The following CRISP2 variants were observed in gnomAD, a reference collection of about 807,000 sequenced individuals.
CRISP2 encodes cysteine rich secretory protein 2.
A neutral mutation model predicts 31.7 loss-of-function variants in CRISP2; 29 were observed. The ratio of observed to expected loss-of-function variants is 0.92; its 90% CI spans 0.68 to 1.25. The LOEUF is 1.25. Ranked by LOEUF, CRISP2 falls within the 50% of genes most tolerant of loss-of-function variation. The pLI is 0.00. For missense variants in CRISP2, 318 were observed against 286.5 expected (o/e 1.11, Z -0.79); for synonymous variants, 111 against 101.4 (o/e 1.09, Z -0.57).
intron 9 of CRISP2, among the ~76,000 whole-genome samples, chr6:49,693,225 A>G (rs1305658708): frequency 6.6e-6 from 1 of 152,170 alleles, no homozygotes; most frequent in African/African-American, 2.4e-5. Context: ...CAAGCAGAAT[A>G]ATATGAATGT....
chr6:49,679,670 T>C, the CRISP2 span, among the ~76,000 whole-genome samples: 1 of 143,916 alleles, frequency 6.9e-6, no homozygotes, highest in African/African-American at 2.7e-5. Context: ...CTTACCCCAG[T>C]TTCTGATTCA....
At chr6:49,698,595 A>C (rs1765158946) in intron 6 of CRISP2, 88 bp from the exon 7 acceptor site, 1 of 1,379,338 alleles carries the variant, frequency 7.2e-7, no homozygotes, top group Admixed American at 2.3e-5. Context: ...TTGCCTTTCA[A>C]ACCCAGGGTC....
intron 4 of CRISP2, among the ~76,000 whole-genome samples, chr6:49,704,734 G>A (rs1766715784): frequency 1.3e-5 from 2 of 152,202 alleles, no homozygotes; most frequent in South Asian, 4.1e-4. Context: ...ACTGGCACCT[G>A]TTCCAGTGGA....
rs748146747 is a variant in CRISP2 at position 49,709,169 on chromosome 6, C to T, written c.28G>A (p.Val10Ile). 1.2e-6 allele frequency: 2 copies of T among 1,613,484 alleles called. No homozygotes were observed. Among genetic ancestry groups the T allele is most frequent in the African/African-American group, 2.7e-5 (2 of 74,900 alleles). The part of the protein sequence containing the change: MALLPVLFL[V>I]TVLLPSLPAE... ...GGTAAAGATGGAAGCAGCACAGTAA[C>T]CAGAAACAACACCGGTAGTAAAGCC... The change falls in exon 4 of 10, where the codon GTT becomes ATT. Residue 10 changes from valine to isoleucine, a missense_variant. Coordinates refer to ENST00000339139, the MANE Select transcript of CRISP2 (RefSeq NM_003296.4).
intron 8 of CRISP2, chr6:49,697,557 C>A: frequency 2.2e-6 from 1 of 463,118 alleles, no homozygotes; most frequent in Middle Eastern, 7.5e-4. Flanking sequence ...TGTGATGATA[C>A]CAATTCTAGA....
In CRISP2 at chr6:49,692,437, C is replaced by A. The variant is rs901909852; in HGVS notation, c.*336G>T. On this transcript the variant is annotated 3_prime_UTR_variant, in exon 10 of 10. Coordinates refer to ENST00000339139, the MANE Select transcript of CRISP2 (RefSeq NM_003296.4). Reference sequence around the variant, plus strand: ...GGAATGGCAATGATGTTACAGTCTTCTTCTTTAGCATGTTTCAGGAAATAC... The same window carrying A: ...GGAATGGCAATGATGTTACAGTCTTATTCTTTAGCATGTTTCAGGAAATAC... The A allele has an allele frequency of 5.9e-6, 1 of 169,576 alleles. No individual in the cohort carries two copies. The highest frequency in any genetic ancestry group is 1.3e-5 in the Non-Finnish European group (1 of 79,664). The allele number at this position is 169,576 out of a possible 1,614,324, so 10.5% of individuals were successfully genotyped here.
At position 49,697,879 on chromosome 6, in the gene CRISP2, C is replaced by T. The variant is rs142135230; in HGVS notation, c.496G>A (p.Val166Ile). 2.7e-5 allele frequency: 44 copies of T among 1,611,880 alleles called. No individual in the cohort carries two copies. The African/African-American group carries it at 5.2e-4, about 19-fold the overall frequency. ...ACTTACGCAGGACAATATTGGCAAACATAGTAGTATTTTAGACTATCTTGA... is the reference window on the plus strand; with the variant it reads ...ACTTACGCAGGACAATATTGGCAAATATAGTAGTATTTTAGACTATCTTGA... ...PNQDSLKYYY[V>I]CQYCPAGNNM... Residue 166 changes from valine to isoleucine, a missense_variant, in exon 8 of 10, where the codon GTT becomes ATT. Transcript: ENST00000339139.
chr6:49,693,350 T>C (rs934712551), intron 9 of CRISP2, among the ~76,000 whole-genome samples: 1 of 152,236 alleles, frequency 6.6e-6, no homozygotes, highest in African/African-American at 2.4e-5. Context: ...ATTTCAAGTG[T>C]TCAAAGTGTG....
upstream of CRISP2, among the ~76,000 whole-genome samples, chr6:49,713,813 T>G (rs2127445975): frequency 6.6e-6 from 1 of 152,242 alleles, no homozygotes; most frequent in Middle Eastern, 3.4e-3. Flanking sequence ...CATATAAGGA[T>G]TCGGGTTGCC....
At chr6:49,677,419 G>T in the CRISP2 span, among the ~76,000 whole-genome samples, 1 of 152,252 alleles carries the variant, frequency 6.6e-6, no homozygotes, top group Non-Finnish European at 1.5e-5. Context: ...GTTTCAAAGG[G>T]AAGTTGGCTC....
downstream of CRISP2, among the ~76,000 whole-genome samples, chr6:49,689,809 C>T (rs1763992981): frequency 6.6e-6 from 1 of 152,086 alleles, no homozygotes; most frequent in Non-Finnish European, 1.5e-5. Flanking sequence ...GAATCCCCCT[C>T]TCCTCACTAT....
At chr6:49,700,616 G>A (rs1765500061) in intron 5 of CRISP2, 52 bp downstream of exon 5, 5 of 1,105,738 alleles carry the variant, frequency 4.5e-6, no homozygotes, top group South Asian at 2.6e-5. Context: ...GCCAGCCGTC[G>A]GCTCCTTCCA....
the CRISP2 span, among the ~76,000 whole-genome samples, chr6:49,683,136 C>T: frequency 4.7e-5 from 7 of 148,666 alleles, no homozygotes; most frequent in South Asian, 4.3e-4. Context: ...CCAGCCTGGG[C>T]GACATGAGTG....
At position 49,697,642 on chromosome 6, in the gene CRISP2, T is replaced by G. The variant is rs563722527; in HGVS notation, c.515+218A>C. ...CCAATTGAAAGAAAAGACATTATTCTGTTAATGAGGAATGAGAGCTTCAGT... is the reference window on the plus strand; with the variant it reads ...CCAATTGAAAGAAAAGACATTATTCGGTTAATGAGGAATGAGAGCTTCAGT... On this transcript the variant is annotated intron_variant, in intron 8 of 9. Transcript: ENST00000339139. 145 of 1,281,918 alleles carry G rather than the reference T, an allele frequency of 1.1e-4. 1 individual carries two copies. The South Asian group carries it at 1.8e-3, about 16-fold the overall frequency. 79.4% of individuals were successfully genotyped at this position (1,281,918 alleles called of 1,614,324 possible). A position where few individuals can be genotyped will look rare whatever the true frequency, so the allele number is the denominator to read the frequency against.
Position 49,692,657 on chromosome 6 carries a change from G to T in CRISP2, c.*116C>A. On this transcript the variant is annotated 3_prime_UTR_variant, in exon 10 of 10. Transcript: ENST00000339139. ...TCTGTGATGATCTGGGGGAGAAGAT[G>T]CATTGCTCTTTGAAATCAAATTTGT... 1 of 932,422 alleles carries T rather than the reference G, an allele frequency of 1.1e-6. No homozygotes were observed. 57.8% of individuals were successfully genotyped at this position (932,422 alleles called of 1,614,324 possible).
At chr6:49,697,356 G>A (rs898227840) in intron 8 of CRISP2, among the ~76,000 whole-genome samples, 4 of 151,876 alleles carry the variant, frequency 2.6e-5, no homozygotes, top group Non-Finnish European at 5.9e-5. Flanking sequence ...GTCCTGAAAA[G>A]CCATTGAAAT....
intron 4 of CRISP2, among the ~76,000 whole-genome samples, chr6:49,701,352 A>G (rs1024871556): frequency 2.0e-5 from 3 of 151,382 alleles, no homozygotes; most frequent in Admixed American, 2.0e-4. Flanking sequence ...CTTAGCTCCC[A>G]CTTATTAGTG....
chr6:49,697,750 C>A (rs769826904), intron 8 of CRISP2, 110 bp downstream of exon 8: 1 of 1,582,638 alleles, frequency 6.3e-7, no homozygotes, highest in East Asian at 2.3e-5. Flanking sequence ...AAACGTTTAT[C>A]CCCTCCCTTT....
At chr6:49,682,722 TCTTTCTTTTTCTTTC>T in the CRISP2 span, among the ~76,000 whole-genome samples, 485 of 149,488 alleles carry the variant, frequency 3.2e-3, 1 homozygote, top group African/African-American at 0.012. Context: ...TTTCTTTTTC[TCTTTCTTTTTCTTTC>T]TTTTTTCTTC....
Sources: gnomAD v4.1 joint callset for allele counts (sites outside exome capture counted in the v4.1 genomes callset) on GRCh38, gnomAD v4.1.1 for gene constraint, MANE v1.5 for transcripts, NCBI Gene and HGNC (gene_info 2026-07-23, HGNC 2026-07-21) for gene names.